Variants in ZNF484 observed in about 807,000 individuals in gnomAD.
ZNF484 encodes KRAB box containing C2H2 type zinc finger bA526D8.4.
Under a neutral mutation model 12.9 loss-of-function variants are expected in ZNF484, and 11 were observed. The observed-to-expected ratio is 0.85, with a 90% confidence interval of 0.54 to 1.41. The LOEUF is 1.41. ZNF484 is among the 40% of genes most tolerant of loss of function. The pLI is 0.00. For missense variants in ZNF484, 807 were observed against 1,007.7 expected, an observed-to-expected ratio of 0.80 and a Z score of 2.70; for synonymous variants, 289 against 334.1, an observed-to-expected ratio of 0.86 and a Z score of 1.47.
In ZNF484 at chr9:92,847,879, C is replaced by CA; in HGVS notation, c.907_908insT (p.Gly303ValfsTer5). On this transcript the variant is annotated frameshift_variant, in exon 5 of 5. Transcript: ENST00000375495. LOFTEE classifies it low-confidence loss of function (END_TRUNC). ...ATCCTTCTCATATTCAGTGCATATT[C>CA]CTGCATAAACCCTCTGACTGCCATC... 1 of 1,614,182 alleles carries CA rather than the reference C, an allele frequency of 6.2e-7. No individual in the cohort carries two copies. Among genetic ancestry groups the CA allele is most frequent in the Non-Finnish European group, 8.5e-7 (1 of 1,180,044 alleles).
At chr9:92,871,225 G>T (rs1015507517) in intron 2 of ZNF484, among the ~76,000 whole-genome samples, 3 of 151,828 alleles carry the variant, frequency 2.0e-5, no homozygotes, top group Non-Finnish European at 2.9e-5. Flanking sequence ...CTTCAACAAA[G>T]AAATAGAGAA....
At chr9:92,867,832 G>A (rs991298156) in intron 2 of ZNF484, among the ~76,000 whole-genome samples, 1 of 152,094 alleles carries the variant, frequency 6.6e-6, no homozygotes, top group Non-Finnish European at 1.5e-5. Context: ...GAGTATAATG[G>A]CTTTCCTGAG....
At chr9:92,868,771 C>T (rs1374195334) in intron 2 of ZNF484, among the ~76,000 whole-genome samples, 2 of 152,154 alleles carry the variant, frequency 1.3e-5, no homozygotes, top group Non-Finnish European at 2.9e-5. Context: ...CACCACCTCC[C>T]CAGAGAGGGC....
intron 2 of ZNF484, among the ~76,000 whole-genome samples, chr9:92,869,176 G>C (rs1857283535): frequency 6.6e-6 from 1 of 151,918 alleles, no homozygotes. Flanking sequence ...TTATATTACT[G>C]TTATTATTTA....
chr9:92,869,685 G>A (rs1357152246), intron 2 of ZNF484, among the ~76,000 whole-genome samples: 2 of 152,222 alleles, frequency 1.3e-5, no homozygotes, highest in African/African-American at 4.8e-5. Flanking sequence ...TGTGTTGTCT[G>A]TAGATAACTG....
intron 2 of ZNF484, among the ~76,000 whole-genome samples, chr9:92,863,577 G>T (rs761027856): frequency 2.6e-5 from 4 of 152,178 alleles, no homozygotes; most frequent in South Asian, 2.1e-4. Flanking sequence ...AGAAATTGGT[G>T]TAGATAGTAG....
At chr9:92,863,465 A>G (rs1316962502) in intron 2 of ZNF484, among the ~76,000 whole-genome samples, 1 of 152,194 alleles carries the variant, frequency 6.6e-6, no homozygotes, top group Admixed American at 6.5e-5. Flanking sequence ...CAGGGAGAAT[A>G]CATTTGAATG....
At chr9:92,851,023 T>C (rs556508939) in intron 4 of ZNF484, among the ~76,000 whole-genome samples, 9 of 152,330 alleles carry the variant, frequency 5.9e-5, no homozygotes, top group Admixed American at 3.3e-4. Flanking sequence ...CCTGTGCCCT[T>C]CCTTCACAAT....
intron 2 of ZNF484, among the ~76,000 whole-genome samples, chr9:92,863,962 G>A (rs1349842283): frequency 6.6e-6 from 1 of 152,206 alleles, no homozygotes; most frequent in Non-Finnish European, 1.5e-5. Context: ...AAGAAGAGGT[G>A]TCAGCAATAA....
intron 2 of ZNF484, among the ~76,000 whole-genome samples, chr9:92,872,302 A>G (rs1177891560): frequency 9.0e-6 from 1 of 110,978 alleles, no homozygotes; most frequent in Non-Finnish European, 1.8e-5. Context: ...AGATGCGACT[A>G]CAAAAGAGTG....
rs569865727 is a variant in ZNF484 at position 92,848,768 on chromosome 9, C to T, written c.236-217G>A. ...TTGTCTCTACTAAAAATTAGCCAGG[C>T]GTGGTGGTACATGCCTGTAATTCCA... is the stretch of plus-strand genomic sequence containing the variant. On this transcript the variant is annotated intron_variant, in intron 4 of 4. Transcript: ENST00000375495. This position sits in a 1 kb window ranked among gnomAD's most constrained non-coding sequence, Gnocchi z 4.1. Among the ~76,000 whole-genome samples the T allele has an allele frequency of 2.0e-5, 3 of 151,704 alleles. No homozygotes were observed. Among genetic ancestry groups the T allele is most frequent in the Admixed American group, 6.6e-5 (1 of 15,216 alleles).
chr9:92,849,276 T>C (rs935456690), intron 4 of ZNF484, among the ~76,000 whole-genome samples: 13 of 149,858 alleles, frequency 8.7e-5, no homozygotes, highest in Non-Finnish European at 1.5e-5. Flanking sequence ...AAAAAAAGAG[T>C]TGATTCAAGG....
chr9:92,852,269 T>G (rs1370119340), intron 4 of ZNF484, among the ~76,000 whole-genome samples: 1 of 152,144 alleles, frequency 6.6e-6, no homozygotes, highest in Non-Finnish European at 1.5e-5. Context: ...AATATGTGTA[T>G]TATTTGGTTT....
intron 2 of ZNF484, among the ~76,000 whole-genome samples, chr9:92,861,076 A>T (rs776961630): frequency 1.3e-5 from 2 of 152,192 alleles, no homozygotes; most frequent in Admixed American, 6.5e-5. Flanking sequence ...AAAATGAGGG[A>T]GACCAAAATA....
At chr9:92,853,486 A>T (rs147507126) in intron 4 of ZNF484, among the ~76,000 whole-genome samples, 104 of 152,346 alleles carry the variant, frequency 6.8e-4, no homozygotes, top group Middle Eastern at 3.4e-3. Flanking sequence ...TGCCTGACTG[A>T]GACACACAAA....
intron 1 of ZNF484, among the ~76,000 whole-genome samples, chr9:92,876,394 A>G (rs894337688): frequency 4.6e-5 from 7 of 152,228 alleles, no homozygotes; most frequent in African/African-American, 1.7e-4. Flanking sequence ...CACTAAACTG[A>G]GATGTAAAAT....
chr9:92,848,035 T>G lies in ZNF484; in HGVS notation c.752A>C (p.Tyr251Ser), dbSNP rs1346185014. ...AACATTTACGTAGTCAGAAAACAAA[T>G]AGAGGCTCTCTCTAGTATGAATTTT... ...QQKIHTRESL[Y>S]LFSDYVNVFS... The change falls in exon 5 of 5, where the codon TAT (tyrosine) becomes TCT (serine). Residue 251 changes from tyrosine (Y) to serine (S), a missense_variant. Physicochemically the swap from Tyr to Ser is moderately radical, Grantham distance 144. Transcript: ENST00000375495. The surrounding 1 kb of genome is among the most constrained non-coding windows in gnomAD (Gnocchi z 4.1). 6.2e-7 allele frequency: 1 copy of G among 1,614,198 alleles called. No homozygotes were observed. Among genetic ancestry groups the G allele is most frequent in the African/African-American group, 1.3e-5 (1 of 75,038 alleles).
chr9:92,856,893 T>TA (rs1856498510), intron 2 of ZNF484, among the ~76,000 whole-genome samples: 1 of 152,144 alleles, frequency 6.6e-6, no homozygotes, highest in African/African-American at 2.4e-5. Context: ...AGCTAATTTT[T>TA]AAAAATTTTT....
chr9:92,865,032 G>C (rs759633606), intron 2 of ZNF484, among the ~76,000 whole-genome samples: 22 of 152,164 alleles, frequency 1.4e-4, no homozygotes, highest in Middle Eastern at 3.4e-3. Flanking sequence ...CACACACAGA[G>C]AGAGAGAGAA....
Sources: gnomAD v4.1 joint callset for allele counts (sites outside exome capture counted in the v4.1 genomes callset) on GRCh38, gnomAD v4.1.1 for gene constraint, Gnocchi (gnomAD v3.1) non-coding constraint, MANE v1.5 for transcripts, NCBI Gene and HGNC (gene_info 2026-07-23, HGNC 2026-07-21) for gene names.